MSI2: variants seen among roughly 807,000 people sequenced by gnomAD.
MSI2 encodes RNA-binding protein Musashi homolog 2.
In MSI2, 17 loss-of-function variants were observed where a neutral mutation model predicts 45.6. That is an observed-to-expected ratio of 0.37 (90% confidence interval 0.26 to 0.56). The LOEUF (loss-of-function observed/expected upper bound fraction) is 0.56, where lower values mean the gene tolerates loss of function less well. MSI2 is among the 20% of genes least tolerant of loss of function. The pLI, the probability that MSI2 is intolerant of heterozygous loss-of-function variation, is 0.77. For synonymous variants in MSI2, 156 were observed against 158.2 expected (o/e 0.99, Z 0.11); for missense variants, 293 against 444.2 (o/e 0.66, Z 3.06).
intron 11 of MSI2, among the ~76,000 whole-genome samples, chr17:57,660,576 T>C (rs1026378885): frequency 2.0e-5 from 3 of 152,134 alleles, no homozygotes; most frequent in Non-Finnish European, 4.4e-5. Flanking sequence ...GTAATTACAA[T>C]AGGATGCCAT....
At chr17:57,393,303 A>C (rs943958479) in intron 5 of MSI2, among the ~76,000 whole-genome samples, 4 of 152,214 alleles carry the variant, frequency 2.6e-5, no homozygotes, top group Admixed American at 1.3e-4. Context: ...CAAATATCCC[A>C]AAATCCAAAA....
At chr17:57,696,053 G>T in the MSI2 span, among the ~76,000 whole-genome samples, 1 of 152,126 alleles carries the variant, frequency 6.6e-6, no homozygotes, top group South Asian at 2.1e-4. Context: ...CCACACTGGG[G>T]GTTAGGGTTT....
chr17:57,631,133 T>A (rs2144621143), intron 10 of MSI2: 1 of 152,504 alleles, frequency 6.6e-6, no homozygotes, highest in South Asian at 2.1e-4. Context: ...GTCCCCCTCA[T>A]GCTGTGCATG....
At chr17:57,473,312 G>T (rs924639832) in intron 6 of MSI2, among the ~76,000 whole-genome samples, 1 of 152,156 alleles carries the variant, frequency 6.6e-6, no homozygotes, top group African/African-American at 2.4e-5. Flanking sequence ...ATATATATGC[G>T]TGTGTGAGTA....
intron 5 of MSI2, among the ~76,000 whole-genome samples, chr17:57,293,595 GTTTTT>G (rs71139983): frequency 2.2e-5 from 3 of 134,724 alleles, no homozygotes; most frequent in African/African-American, 6.0e-5. Flanking sequence ...TTGTTTTTTT[GTTTTT>G]TTTTTTGTTT....
chr17:57,571,548 GA>G (rs2087878183), intron 7 of MSI2, among the ~76,000 whole-genome samples: 1 of 152,212 alleles, frequency 6.6e-6, no homozygotes. Context: ...TGTGCTCTCT[GA>G]ATATTCTCCT....
At chr17:57,313,274 CTGTT>C (rs1334881893) in intron 5 of MSI2, among the ~76,000 whole-genome samples, 4 of 152,110 alleles carry the variant, frequency 2.6e-5, no homozygotes, top group South Asian at 2.1e-4. Flanking sequence ...TGGTCTGACT[CTGTT>C]TGGTCTCCTT....
At chr17:57,599,415 C>T (rs989876617) in intron 8 of MSI2, among the ~76,000 whole-genome samples, 9 of 152,110 alleles carry the variant, frequency 5.9e-5, no homozygotes, top group South Asian at 2.1e-4. Context: ...CCAGATAACC[C>T]GGGCAGCAAT....
chr17:57,340,672 G>C (rs919786931), intron 5 of MSI2, among the ~76,000 whole-genome samples: 9 of 152,174 alleles, frequency 5.9e-5, no homozygotes, highest in African/African-American at 2.2e-4. Flanking sequence ...GGAGGGTGGT[G>C]TGACACTGGG....
intron 7 of MSI2, among the ~76,000 whole-genome samples, chr17:57,549,472 T>G (rs546098138): frequency 3.9e-5 from 6 of 152,326 alleles, no homozygotes; most frequent in African/African-American, 1.4e-4. Flanking sequence ...GTTGTTGTGA[T>G]AGCTCTTTGC....
At chr17:57,591,052 CAG>C (rs1024758168) in intron 7 of MSI2, among the ~76,000 whole-genome samples, 1 of 152,218 alleles carries the variant, frequency 6.6e-6, no homozygotes, top group Non-Finnish European at 1.5e-5. Flanking sequence ...GGGCCTGGAG[CAG>C]GATCCCTGCT....
At chr17:57,419,770 G>C (rs557810306) in intron 6 of MSI2, among the ~76,000 whole-genome samples, 3 of 152,116 alleles carry the variant, frequency 2.0e-5, no homozygotes, top group Non-Finnish European at 4.4e-5. Flanking sequence ...CCTAGAAGGG[G>C]CTTTGCAGAC....
intron 6 of MSI2, among the ~76,000 whole-genome samples, chr17:57,430,813 T>TCTG (rs1374828444): frequency 6.6e-6 from 1 of 152,126 alleles, no homozygotes; most frequent in Non-Finnish European, 1.5e-5. Flanking sequence ...GAAGCAAGGC[T>TCTG]GTGGTGGTGG....
intron 5 of MSI2, among the ~76,000 whole-genome samples, chr17:57,395,645 C>T (rs1235082678): frequency 1.3e-5 from 2 of 152,036 alleles, no homozygotes; most frequent in African/African-American, 4.8e-5. Context: ...TCTTGGTGTT[C>T]GGGAGTTCTG....
intron 6 of MSI2, among the ~76,000 whole-genome samples, chr17:57,473,859 A>C (rs1056329087): frequency 2.2e-4 from 33 of 152,322 alleles, no homozygotes; most frequent in African/African-American, 7.7e-4. Flanking sequence ...GGGAACTCAC[A>C]TTCCTGAGAT....
At chr17:57,358,762 C>T (rs566495499) in intron 5 of MSI2, among the ~76,000 whole-genome samples, 1 of 152,084 alleles carries the variant, frequency 6.6e-6, no homozygotes, top group African/African-American at 2.4e-5. Flanking sequence ...GCACTTCTAA[C>T]AGTTTTATAG....
At chr17:57,373,725 C>A (rs962318778) in intron 5 of MSI2, among the ~76,000 whole-genome samples, 2 of 152,204 alleles carry the variant, frequency 1.3e-5, no homozygotes, top group Admixed American at 1.3e-4. Context: ...GCCGCACTGT[C>A]CCCATCCGAA....
At chr17:57,482,579 G>A (rs1021095159) in intron 6 of MSI2, among the ~76,000 whole-genome samples, 12 of 152,182 alleles carry the variant, frequency 7.9e-5, no homozygotes, top group Non-Finnish European at 1.0e-4. Context: ...GTTGTTGGCC[G>A]TGACTTTGGT....
intron 5 of MSI2, among the ~76,000 whole-genome samples, chr17:57,282,455 C>G (rs1909505404): frequency 6.6e-6 from 1 of 152,180 alleles, no homozygotes; most frequent in South Asian, 2.1e-4. Flanking sequence ...TGCTGGCCTC[C>G]TGAGCCATAT....
Sources: gnomAD v4.1 joint callset for allele counts (sites outside exome capture counted in the v4.1 genomes callset) on GRCh38, gnomAD v4.1.1 for gene constraint, MANE v1.5 for transcripts, NCBI Gene and HGNC (gene_info 2026-07-23, HGNC 2026-07-21) for gene names.